The following KDM1A variants were observed in gnomAD, a reference collection of about 807,000 sequenced individuals.
KDM1A encodes lysine-specific histone demethylase 1A.
In KDM1A, 49 loss-of-function variants were observed where a neutral mutation model predicts 109.4. The observed-to-expected ratio is 0.45, with a 90% CI of 0.36 to 0.57. The LOEUF is 0.57. Ranked by LOEUF, KDM1A falls within the 20% of genes least tolerant of loss-of-function variation. The pLI is 0.00. For missense variants in KDM1A, 668 were observed against 1,116.6 expected, an observed-to-expected ratio of 0.60 and a Z score of 5.73; for synonymous variants, 380 against 415.4, an observed-to-expected ratio of 0.91 and a Z score of 1.04.
intron 9 of KDM1A, among the ~76,000 whole-genome samples, chr1:23,060,266 G>A (rs1434160728): frequency 3.3e-5 from 5 of 152,308 alleles, no homozygotes; most frequent in East Asian, 1.9e-4. Flanking sequence ...TGCTATAGTG[G>A]TGCTTGTAGA....
chr1:23,045,008 C>T (rs1324492394), intron 3 of KDM1A, among the ~76,000 whole-genome samples: 1 of 152,176 alleles, frequency 6.6e-6, no homozygotes, highest in Admixed American at 6.5e-5. Flanking sequence ...TCAGTTTAAA[C>T]ATTTTGTTTC....
In KDM1A at chr1:23,083,161, C is replaced by T. The variant is rs1273936615; in HGVS notation, c.2446-18C>T. 6.3e-7 allele frequency: 1 copy of T among 1,599,590 alleles called. No individual in the cohort carries two copies. Among genetic ancestry groups the T allele is most frequent in the Non-Finnish European group, 8.6e-7 (1 of 1,168,736 alleles). ...TATATGTGCAGCCTGCCAATTTTCTCTTTTTCCCCTAAAATAGCCGATTCC... is the reference window on the plus strand; with the variant it reads ...TATATGTGCAGCCTGCCAATTTTCTTTTTTTCCCCTAAAATAGCCGATTCC... On this transcript the variant is annotated intron_variant, in intron 20 of 20. Coordinates refer to ENST00000400181, the MANE Select transcript of KDM1A (RefSeq NM_001009999.3).
chr1:23,054,488 T>G (rs569139856), intron 5 of KDM1A, among the ~76,000 whole-genome samples: 4 of 152,304 alleles, frequency 2.6e-5, no homozygotes, highest in East Asian at 1.9e-4. Flanking sequence ...ATCACATTGA[T>G]TGAGTGAGTG....
At chr1:23,063,970 CT>C (rs1287765711) in intron 9 of KDM1A, among the ~76,000 whole-genome samples, 5 of 152,206 alleles carry the variant, frequency 3.3e-5, no homozygotes, top group Non-Finnish European at 7.3e-5. Context: ...TCACTGTTGC[CT>C]TGCCCTCCTG....
intron 1 of KDM1A, among the ~76,000 whole-genome samples, chr1:23,029,130 A>G (rs1641898678): frequency 6.6e-6 from 1 of 152,118 alleles, no homozygotes; most frequent in South Asian, 2.1e-4. Flanking sequence ...CTATCATTTA[A>G]AAAAAAGAGC....
intron 1 of KDM1A, among the ~76,000 whole-genome samples, chr1:23,022,205 A>T (rs1317983477): frequency 6.6e-6 from 1 of 151,924 alleles, no homozygotes; most frequent in Non-Finnish European, 1.5e-5. Context: ...CCTGGGTTTT[A>T]TGTTAATTCT....
In KDM1A at chr1:23,079,572, G is replaced by A. The variant is rs770774361; in HGVS notation, c.2075G>A (p.Arg692Gln). The A allele has an allele frequency of 6.2e-7, 1 of 1,613,680 alleles. No homozygotes were observed. Among genetic ancestry groups the A allele is most frequent in the Non-Finnish European group, 8.5e-7 (1 of 1,179,836 alleles). The part of the protein sequence containing the change: ...NLNKVVLCFD[R>Q]VFWDPSVNLF... ...TGGTAGGTGGTGTTGTGTTTTGATC[G>A]GGTGTTCTGGGATCCAAGTGTCAAT... Residue 692 changes from arginine to glutamine, a missense_variant, in exon 18 of 21, where the codon CGG becomes CAG. Physicochemically the swap from Arg to Gln is conservative, Grantham distance 43. Coordinates refer to ENST00000400181, the MANE Select transcript of KDM1A (RefSeq NM_001009999.3). This position sits in a 1 kb window ranked among gnomAD's most constrained non-coding sequence, Gnocchi z 5.6.
At chr1:23,078,409 A>G (rs1643527732) in intron 16 of KDM1A, among the ~76,000 whole-genome samples, 2 of 152,212 alleles carry the variant, frequency 1.3e-5, no homozygotes, top group Admixed American at 1.3e-4. Flanking sequence ...GACATTCATT[A>G]AAAAACAAAC....
At chr1:23,055,892 T>C in intron 6 of KDM1A, 40 bp from the exon 7 acceptor site, 1 of 1,405,848 alleles carries the variant, frequency 7.1e-7, no homozygotes, top group Non-Finnish European at 1.0e-6. Context: ...CAAACTTTTA[T>C]ACCTAAAACA....
At chr1:23,037,648 G>A (rs920021303) in intron 2 of KDM1A, among the ~76,000 whole-genome samples, 1 of 152,146 alleles carries the variant, frequency 6.6e-6, no homozygotes, top group Non-Finnish European at 1.5e-5. Context: ...CTCAGAAGCT[G>A]TTTTTAAATA....
At chr1:23,031,407 T>C (rs1641976182) in intron 2 of KDM1A, among the ~76,000 whole-genome samples, 1 of 152,204 alleles carries the variant, frequency 6.6e-6, no homozygotes, top group Admixed American at 6.5e-5. Flanking sequence ...TGAAATAATT[T>C]TTATGTTTCG....
chr1:23,025,898 C>T (rs574757147), intron 1 of KDM1A, among the ~76,000 whole-genome samples: 22 of 152,092 alleles, frequency 1.4e-4, no homozygotes, highest in African/African-American at 5.1e-4. Context: ...TTGATATCAG[C>T]CTTGGCAACA....
intron 2 of KDM1A, among the ~76,000 whole-genome samples, chr1:23,034,150 A>AT (rs139969274): frequency 0.013 from 1,919 of 152,160 alleles, 55 homozygotes; most frequent in African/African-American, 0.044. Context: ...TAAATAATGG[A>AT]TTTTTCATAC....
At chr1:23,057,663 A>G (rs1642871028) in intron 8 of KDM1A, 98 bp downstream of exon 8, 1 of 872,728 alleles carries the variant, frequency 1.1e-6, no homozygotes, top group Non-Finnish European at 1.9e-6. Context: ...TTGGTTTAGA[A>G]TAGTCATCTT....
chr1:23,035,773 G>A (rs1326159114), intron 2 of KDM1A, among the ~76,000 whole-genome samples: 1 of 152,100 alleles, frequency 6.6e-6, no homozygotes, highest in East Asian at 1.9e-4. Flanking sequence ...TATAACAAAA[G>A]ATTGAGGACC....
chr1:23,057,662 A>C, intron 8 of KDM1A, 97 bp downstream of exon 8: 1 of 877,616 alleles, frequency 1.1e-6, no homozygotes, highest in Non-Finnish European at 1.9e-6. Flanking sequence ...ATTGGTTTAG[A>C]ATAGTCATCT....
chr1:23,035,675 A>G (rs900353407), intron 2 of KDM1A, among the ~76,000 whole-genome samples: 1 of 152,226 alleles, frequency 6.6e-6, no homozygotes, highest in African/African-American at 2.4e-5. Context: ...TAAAAATACT[A>G]AATTACAGAA....
intron 19 of KDM1A, chr1:23,081,996 G>GCTCGCC: frequency 1.9e-6 from 1 of 512,976 alleles, no homozygotes. Flanking sequence ...GTAGATCTCT[G>GCTCGCC]GATTCATAGA....
intron 14 of KDM1A, among the ~76,000 whole-genome samples, chr1:23,072,502 G>A (rs1643349339): frequency 6.6e-6 from 1 of 152,286 alleles, no homozygotes; most frequent in Non-Finnish European, 1.5e-5. Flanking sequence ...AGTTGCTGTT[G>A]CTTTACACTT....
Sources: allele counts gnomAD v4.1 joint callset (sites outside exome capture counted in the v4.1 genomes callset), GRCh38; gene constraint gnomAD v4.1.1; non-coding constraint Gnocchi (gnomAD v3.1); transcripts MANE v1.5; gene names NCBI Gene and HGNC (gene_info 2026-07-23, HGNC 2026-07-21).